Variants in SNX7 observed in about 807,000 individuals in gnomAD.
SNX7 encodes sorting nexin-7.
SNX7 carries 35 observed loss-of-function variants against 48.4 expected under a neutral mutation model. The ratio of observed to expected loss-of-function variants is 0.72; its 90% CI spans 0.55 to 0.96. The LOEUF is 0.96. Among genes scored for constraint, SNX7 ranks in the 40% least tolerant of loss-of-function variants. SNX7 has a pLI of 0.00. For synonymous variants in SNX7, 190 were observed against 190.2 expected, an observed-to-expected ratio of 1.00 and a Z score of 0.01; for missense variants, 553 against 548.9, an observed-to-expected ratio of 1.01 and a Z score of -0.07.
At chr1:98,668,372 T>C (rs1649658832) in intron 1 of SNX7, among the ~76,000 whole-genome samples, 1 of 152,174 alleles carries the variant, frequency 6.6e-6, no homozygotes, top group African/African-American at 2.4e-5. Context: ...ACTCTCAGCA[T>C]TTTAAAAGGA....
intron 8 of SNX7, among the ~76,000 whole-genome samples, chr1:98,746,416 CA>C (rs1239403955): frequency 6.6e-6 from 1 of 152,028 alleles, no homozygotes; most frequent in African/African-American, 2.4e-5. Context: ...AGAAGGTTGG[CA>C]ATGCATCTTA....
intron 1 of SNX7, among the ~76,000 whole-genome samples, chr1:98,667,424 A>G (rs1570479793): frequency 1.3e-5 from 2 of 152,122 alleles, no homozygotes; most frequent in African/African-American, 4.8e-5. Flanking sequence ...CACCCAGGCT[A>G]GAGTGCAGTG....
At chr1:98,733,209 C>T (rs1653605512) in intron 7 of SNX7, among the ~76,000 whole-genome samples, 1 of 139,642 alleles carries the variant, frequency 7.2e-6, no homozygotes, top group Non-Finnish European at 1.6e-5. Context: ...ACCTTCAGGC[C>T]ATCATCTCCT....
At chr1:98,721,812 A>C (rs1262174157) in intron 7 of SNX7, among the ~76,000 whole-genome samples, 2 of 152,100 alleles carry the variant, frequency 1.3e-5, no homozygotes, top group Non-Finnish European at 2.9e-5. Context: ...TATATTTTGC[A>C]GAAAAGTACA....
At chr1:98,736,749 A>G (rs529835893) in intron 7 of SNX7, among the ~76,000 whole-genome samples, 2 of 152,294 alleles carry the variant, frequency 1.3e-5, no homozygotes, top group South Asian at 4.1e-4. Context: ...GCTGTGAAAT[A>G]AGAACAGAAG....
chr1:98,686,198 C>G (rs1012675077), intron 2 of SNX7, among the ~76,000 whole-genome samples: 2 of 152,110 alleles, frequency 1.3e-5, no homozygotes, highest in Admixed American at 6.6e-5. Flanking sequence ...GTTACTGTCC[C>G]CTGGCTGAAA....
chr1:98,699,081 T>A (rs1651618408), intron 6 of SNX7, among the ~76,000 whole-genome samples, 176 bp downstream of exon 6: 1 of 152,150 alleles, frequency 6.6e-6, no homozygotes, highest in Non-Finnish European at 1.5e-5. Flanking sequence ...AAGGAAAGAA[T>A]CCGTTGTTAA....
At position 98,691,677 on chromosome 1, in the gene SNX7, T is replaced by C. The variant is rs1651135650; in HGVS notation, c.617T>C (p.Ile206Thr). 5.6e-6 allele frequency: 9 copies of C among 1,606,734 alleles called. No individual in the cohort carries two copies. The highest frequency in any genetic ancestry group is 7.6e-6 in the Non-Finnish European group (9 of 1,176,698). The part of the protein sequence containing the change: ...PTLTFNEDFK[I>T]FLTAQAWELS... ...TTAACATTTAATGAAGACTTCAAAATTTTTCTCACTGCACAAGCTTGGGTA... is the reference window on the plus strand; with the variant it reads ...TTAACATTTAATGAAGACTTCAAAACTTTTCTCACTGCACAAGCTTGGGTA... The change falls in exon 4 of 9, where the codon ATT (isoleucine) becomes ACT (threonine). Residue 206 changes from isoleucine (I) to threonine (T), a missense_variant. Physicochemically the swap from Ile to Thr is moderately conservative, Grantham distance 89. Transcript: ENST00000306121.
In SNX7 at chr1:98,735,039, T is replaced by G. The variant is rs1157226724; in HGVS notation, c.1126-3198T>G. Among the ~76,000 whole-genome samples the G allele has an allele frequency of 2.0e-5, 3 of 152,112 alleles. No individual in the cohort carries two copies. In the East Asian group the frequency reaches 5.8e-4, roughly 29 times the overall value. On this transcript the variant is annotated intron_variant, in intron 7 of 8. Coordinates refer to ENST00000306121, the MANE Select transcript of SNX7 (RefSeq NM_015976.5). ...AGTTATTGAAACCCGACATCTGGTG[T>G]TGGAGGGAACAATAAAATACCAGAA... is the stretch of plus-strand genomic sequence containing the variant.
chr1:98,679,098 A>G (rs533329015), intron 1 of SNX7, among the ~76,000 whole-genome samples: 1 of 152,300 alleles, frequency 6.6e-6, no homozygotes, highest in East Asian at 1.9e-4. Flanking sequence ...TTTATATAGG[A>G]AAAAGGGTTT....
Position 98,663,252 on chromosome 1 carries a change from G to GTTTTTT in SNX7, c.180+1341_180+1342insTTTTTT, listed in dbSNP as rs1491348958. 6.9e-4 allele frequency among the ~76,000 whole-genome samples: 57 copies of GTTTTTT among 83,158 alleles called. 24 individuals are homozygous for GTTTTTT. The highest frequency in any genetic ancestry group is 1.6e-3 in the East Asian group (4 of 2,478). 54.6% of individuals were successfully genotyped at this position (83,158 alleles called of 152,430 possible). A position where few individuals can be genotyped will look rare whatever the true frequency, so the allele number is the denominator to read the frequency against. On this transcript the variant is annotated intron_variant, in intron 1 of 8. Coordinates refer to ENST00000306121, the MANE Select transcript of SNX7 (RefSeq NM_015976.5). ...ATCAGAATCATCAGGGTTTCTTTCT[G>GTTTTTT]GTTTTTTTTTTTTTTTTTTTTTTTT...
chr1:98,697,786 A>C (rs9661212), intron 5 of SNX7, among the ~76,000 whole-genome samples: 3,690 of 152,236 alleles, frequency 0.024, 154 homozygotes, highest in African/African-American at 0.085. Flanking sequence ...AATTATGATA[A>C]GCTCATTGAG....
At chr1:98,740,200 C>T (rs566685556) in intron 8 of SNX7, among the ~76,000 whole-genome samples, 1 of 152,072 alleles carries the variant, frequency 6.6e-6, no homozygotes, top group East Asian at 1.9e-4. Context: ...TCCCATAAAT[C>T]TCAGATTTTG....
rs937423515 is a variant in SNX7, at chr1:98,739,286, T to C, written c.1278+897T>C. Among the ~76,000 whole-genome samples the C allele has an allele frequency of 3.9e-5, 6 of 152,322 alleles. No homozygotes were observed. The East Asian group carries it at 1.2e-3, about 29-fold the overall frequency. ...CGCCGCTCACCTCCTGCTGTGCGGC[T>C]GGGTTCCTAACAGGCCAATGACCAG... On this transcript the variant is annotated intron_variant, in intron 8 of 8. Transcript: ENST00000306121.
chr1:98,703,032 T>C (rs1171651256), intron 7 of SNX7, among the ~76,000 whole-genome samples: 1 of 152,032 alleles, frequency 6.6e-6, no homozygotes, highest in Non-Finnish European at 1.5e-5. Flanking sequence ...AACATATGAC[T>C]TCCTAATTAG....
intron 8 of SNX7, among the ~76,000 whole-genome samples, chr1:98,746,584 A>G (rs773983012): frequency 2.6e-5 from 4 of 152,108 alleles, no homozygotes; most frequent in Non-Finnish European, 4.4e-5. Flanking sequence ...TAGAGATATA[A>G]GATTTCTAAT....
chr1:98,715,833 G>T (rs750488737), intron 7 of SNX7, among the ~76,000 whole-genome samples: 7 of 152,056 alleles, frequency 4.6e-5, no homozygotes, highest in Non-Finnish European at 5.9e-5. Context: ...CTTGGCATTA[G>T]ATGTGTTCAT....
At position 98,717,502 on chromosome 1, in the gene SNX7, C is replaced by T. The variant is rs567042780; in HGVS notation, c.1125+15599C>T. ...GTACATAGCCTACTACTGCTTTACC[C>T]GTTGCAGAAACCGCTATATCTAATC... On this transcript the variant is annotated intron_variant, in intron 7 of 8. Transcript: ENST00000306121. Among the ~76,000 whole-genome samples the T allele has an allele frequency of 8.5e-5, 13 of 152,178 alleles. No individual in the cohort carries two copies. The East Asian group carries it at 2.3e-3, about 27-fold the overall frequency.
At chr1:98,755,035 C>T (rs978641286) in intron 8 of SNX7, among the ~76,000 whole-genome samples, 3 of 152,090 alleles carry the variant, frequency 2.0e-5, no homozygotes, top group Admixed American at 2.0e-4. Flanking sequence ...TTTCTGATTT[C>T]TCCATTGATT....
Sources: allele counts gnomAD v4.1 joint callset (sites outside exome capture counted in the v4.1 genomes callset), GRCh38; gene constraint gnomAD v4.1.1; transcripts MANE v1.5; gene names NCBI Gene and HGNC (gene_info 2026-07-23, HGNC 2026-07-21).